Variants in SDCCAG8 observed in about 807,000 individuals in gnomAD.
The protein encoded by SDCCAG8 is SHH signaling and ciliogenesis regulator SDCCAG8.
A neutral mutation model predicts 101.8 loss-of-function variants in SDCCAG8; 74 were observed. The observed-to-expected ratio is 0.73, with a 90% CI of 0.60 to 0.88. The LOEUF is 0.88. SDCCAG8 is among the 40% of genes least tolerant of loss of function. The pLI is 0.00. For synonymous variants in SDCCAG8, 281 were observed against 292.9 expected (o/e 0.96, Z 0.41); for missense variants, 787 against 822.6 (o/e 0.96, Z 0.53).
chr1:243,433,301 G>A (rs1211621941), intron 16 of SDCCAG8, among the ~76,000 whole-genome samples: 8 of 149,942 alleles, frequency 5.3e-5, no homozygotes, highest in African/African-American at 2.0e-4. Context: ...GCAGTGAGCC[G>A]AGATCGCGCC....
intron 13 of SDCCAG8, among the ~76,000 whole-genome samples, chr1:243,388,619 G>A (rs978948515): frequency 2.0e-5 from 3 of 151,654 alleles, no homozygotes; most frequent in African/African-American, 7.3e-5. Context: ...CCAGCACCTT[G>A]GGAGGCCAAG....
chr1:243,410,631 A>G (rs2080106569), intron 13 of SDCCAG8, among the ~76,000 whole-genome samples: 1 of 152,138 alleles, frequency 6.6e-6, no homozygotes, highest in Non-Finnish European at 1.5e-5. Context: ...CTTGTTCCAG[A>G]CTTGAGCCTT....
intron 16 of SDCCAG8, among the ~76,000 whole-genome samples, chr1:243,443,390 C>T (rs1288098129): frequency 6.6e-6 from 1 of 152,166 alleles, no homozygotes; most frequent in East Asian, 1.9e-4. Flanking sequence ...GTGGTTGTTG[C>T]TCTGCCAGAG....
intron 16 of SDCCAG8, among the ~76,000 whole-genome samples, chr1:243,471,465 C>T (rs1035557751): frequency 3.3e-5 from 5 of 152,200 alleles, no homozygotes; most frequent in Non-Finnish European, 5.9e-5. Context: ...GAACTCTACT[C>T]TGTCCCTAAT....
Position 243,489,127 on chromosome 1 carries a change from G to T in SDCCAG8, c.2099G>T (p.Arg700Leu). The T allele has an allele frequency of 6.2e-7, 1 of 1,612,550 alleles. No homozygotes were observed. Among genetic ancestry groups the T allele is most frequent in the Non-Finnish European group, 8.5e-7 (1 of 1,179,942 alleles). The change falls in exon 17 of 18, where the codon CGG (arginine) becomes CTG (leucine). Residue 700 changes from arginine (R) to leucine (L), a missense_variant. Physicochemically the swap from Arg to Leu is moderately radical, Grantham distance 102. Coordinates refer to ENST00000366541, the MANE Select transcript of SDCCAG8 (RefSeq NM_006642.5). ...CAGAGCCTGTCGGAAGAGGTGGACC[G>T]GCTGCGGACCCAGGTACTGTGCAGA... ...ERQSLSEEVDRLRTQLPSMPQ... is the reference protein window; with the variant it reads ...ERQSLSEEVDLLRTQLPSMPQ...
At chr1:243,321,891 C>T (rs1334299830) in intron 9 of SDCCAG8, among the ~76,000 whole-genome samples, 2 of 152,252 alleles carry the variant, frequency 1.3e-5, no homozygotes, top group Admixed American at 6.5e-5. Flanking sequence ...TCAAGTGATC[C>T]ACCCGCCTCC....
intron 16 of SDCCAG8, among the ~76,000 whole-genome samples, chr1:243,459,487 G>A (rs1658585452): frequency 6.6e-6 from 1 of 151,810 alleles, no homozygotes; most frequent in African/African-American, 2.4e-5. Context: ...GAAGAACGGA[G>A]GTGTATTACA....
At chr1:243,468,187 G>A (rs917793900) in intron 16 of SDCCAG8, among the ~76,000 whole-genome samples, 2 of 151,730 alleles carry the variant, frequency 1.3e-5, no homozygotes, top group East Asian at 3.9e-4. Flanking sequence ...ATAAAATGAG[G>A]ATCATAATAT....
intron 13 of SDCCAG8, among the ~76,000 whole-genome samples, chr1:243,390,863 T>C (rs2078656711): frequency 6.6e-6 from 1 of 152,202 alleles, no homozygotes; most frequent in East Asian, 1.9e-4. Flanking sequence ...TAAAAGAAAG[T>C]TCTGCTCTCC....
Position 243,271,075 on chromosome 1 carries a change from C to G in SDCCAG8, c.306+12C>G. ...AAATGTCCCCCTTGGTAAGTATCAA[C>G]TTTTCCAAGTTGACAAAGCATTCCT... On this transcript the variant is annotated intron_variant, in intron 3 of 17. Transcript: ENST00000366541. 1 of 1,566,046 alleles carries G rather than the reference C, an allele frequency of 6.4e-7. No homozygotes were observed. The highest frequency in any genetic ancestry group is 8.8e-7 in the Non-Finnish European group (1 of 1,136,258).
intron 12 of SDCCAG8, among the ~76,000 whole-genome samples, chr1:243,360,629 C>T (rs1365747464): frequency 1.3e-5 from 2 of 152,030 alleles, no homozygotes; most frequent in African/African-American, 4.8e-5. Flanking sequence ...CAAGACCAGC[C>T]TGGCTAAAAT....
At chr1:243,355,047 C>G (rs1310395870) in intron 12 of SDCCAG8, among the ~76,000 whole-genome samples, 2 of 152,138 alleles carry the variant, frequency 1.3e-5, no homozygotes, top group Non-Finnish European at 2.9e-5. Flanking sequence ...CTAGGCTGCT[C>G]CTGAGTGTTA....
intron 16 of SDCCAG8, among the ~76,000 whole-genome samples, chr1:243,436,276 T>C (rs962340218): frequency 6.6e-6 from 1 of 151,890 alleles, no homozygotes; most frequent in Non-Finnish European, 1.5e-5. Context: ...CTTTTTTTCA[T>C]GGGTCGTACC....
rs146852335 is a variant in SDCCAG8 at position 243,404,273 on chromosome 1, TG to T, written c.1617-11427del. On this transcript the variant is annotated intron_variant, in intron 13 of 17. Coordinates refer to ENST00000366541, the MANE Select transcript of SDCCAG8 (RefSeq NM_006642.5). ...TAGTTTGAAGATAGATTTAGAAGGC[TG>T]GAAGCAGCAGGTTTCCAGGAATGGA... Among the ~76,000 whole-genome samples, 544 of 152,230 alleles carry T rather than the reference TG, an allele frequency of 3.6e-3. 1 individual carries two copies. Among genetic ancestry groups the T allele is most frequent in the East Asian group, 0.031 (162 of 5,184 alleles).
In SDCCAG8 at chr1:243,387,825, C is replaced by T. The variant is rs151167871; in HGVS notation, c.1616+8962C>T. On this transcript the variant is annotated intron_variant, in intron 13 of 17. Coordinates refer to ENST00000366541, the MANE Select transcript of SDCCAG8 (RefSeq NM_006642.5). ...CTGCCTCCCAGGTCCAAGCAATTCT[C>T]GTGTCTCACCCTCCCAAGTAGCTGG... Among the ~76,000 whole-genome samples the T allele has an allele frequency of 1.2e-3, 190 of 152,274 alleles. 1 individual carries two copies. The highest frequency in any genetic ancestry group is 3.4e-3 in the Middle Eastern group (1 of 294).
Position 243,378,748 on chromosome 1 carries a change from G to C in SDCCAG8, c.1501G>C (p.Asp501His), listed in dbSNP as rs150646039. 370 of 1,614,038 alleles carry C rather than the reference G, an allele frequency of 2.3e-4. No homozygotes were observed. In the African/African-American group the frequency reaches 4.2e-3, roughly 18 times the overall value. ...QEIEKLRIEL[D>H]ESKQHLEQEQ... ...AATAGAGAAATTGAGAATAGAACTG[G>C]ATGAAAGCAAACAACACTTGGAACA... Residue 501 changes from aspartate (D) to histidine (H), a missense_variant, in exon 13 of 18, where the codon GAT (aspartate) becomes CAT (histidine). Asp to His is a moderately conservative substitution (Grantham distance 81). Transcript: ENST00000366541.
intron 10 of SDCCAG8, among the ~76,000 whole-genome samples, chr1:243,340,462 A>T (rs2992632): frequency 0.26 from 39,404 of 151,822 alleles, 5,261 homozygotes; most frequent in South Asian, 0.35. Context: ...AGGAGAGGAG[A>T]TAATGGCTGA....
At chr1:243,489,879 G>T (rs1347040542) in intron 17 of SDCCAG8, among the ~76,000 whole-genome samples, 1 of 152,130 alleles carries the variant, frequency 6.6e-6, no homozygotes, top group African/African-American at 2.4e-5. Context: ...AAAGTGTCCC[G>T]GTGAATTTGG....
intron 16 of SDCCAG8, among the ~76,000 whole-genome samples, chr1:243,443,913 AAC>A (rs2082716424): frequency 6.6e-6 from 1 of 152,060 alleles, no homozygotes; most frequent in African/African-American, 2.4e-5. Flanking sequence ...TTGTGTGGAT[AAC>A]ACATTAATTT....
Sources: gnomAD v4.1 joint callset for allele counts (sites outside exome capture counted in the v4.1 genomes callset) on GRCh38, gnomAD v4.1.1 for gene constraint, MANE v1.5 for transcripts, NCBI Gene and HGNC (gene_info 2026-07-23, HGNC 2026-07-21) for gene names.